The following ITGBL1 variants were observed in gnomAD, a reference collection of about 807,000 sequenced individuals.
The protein encoded by ITGBL1 is integrin subunit beta like 1.
Under a neutral mutation model 68.5 loss-of-function variants are expected in ITGBL1, and 51 were observed. The observed-to-expected ratio is 0.74, with a 90% CI of 0.59 to 0.94. The LOEUF (loss-of-function observed/expected upper bound fraction) is 0.94. Ranked by LOEUF, ITGBL1 falls within the 40% of genes least tolerant of loss-of-function variation. The pLI is 0.00. For missense variants in ITGBL1, 649 were observed against 647.4 expected (o/e 1.00, Z -0.03); for synonymous variants, 209 against 227.3 (o/e 0.92, Z 0.72).
chr13:101,604,887 T>TATATACACACACACACACAA, intron 7 of ITGBL1, among the ~76,000 whole-genome samples: 1 of 22,164 alleles, frequency 4.5e-5, no homozygotes, highest in African/African-American at 1.5e-4. Flanking sequence ...TATATATATA[T>TATATACACACACACACACAA]ACACACACAC....
intron 2 of ITGBL1, among the ~76,000 whole-genome samples, chr13:101,530,270 G>A (rs1329159634): frequency 1.3e-5 from 2 of 151,928 alleles, no homozygotes; most frequent in Admixed American, 6.6e-5. Flanking sequence ...GAGAGAGCGC[G>A]AGGGGAGAGA....
rs564580359 is a variant in ITGBL1 at position 101,591,290 on chromosome 13, T to A, written c.869-6863T>A. On this transcript the variant is annotated intron_variant, in intron 6 of 10. Transcript: ENST00000376180. ...ATAATTGTTAATAAGCATAAACCGT[T>A]ACAAAAATTCCCATACTGTAAAGTC... is the stretch of plus-strand genomic sequence containing the variant. Among the ~76,000 whole-genome samples, 3 of 152,328 alleles carry A rather than the reference T, an allele frequency of 2.0e-5. No homozygotes were observed. The East Asian group carries it at 5.8e-4, about 29-fold the overall frequency.
At chr13:101,601,431 T>C (rs563253574) in intron 7 of ITGBL1, among the ~76,000 whole-genome samples, 1 of 152,252 alleles carries the variant, frequency 6.6e-6, no homozygotes, top group African/African-American at 2.4e-5. Flanking sequence ...GTGTCTCTAT[T>C]TCCTTCAGTT....
At chr13:101,699,046 A>G (rs1414746198) in intron 8 of ITGBL1, among the ~76,000 whole-genome samples, 3 of 152,192 alleles carry the variant, frequency 2.0e-5, no homozygotes, top group Non-Finnish European at 4.4e-5. Flanking sequence ...TGAGAGTATG[A>G]ATTCAGTGAC....
chr13:101,598,717 A>C (rs1298005299), intron 7 of ITGBL1, among the ~76,000 whole-genome samples: 2 of 152,110 alleles, frequency 1.3e-5, no homozygotes, highest in Non-Finnish European at 2.9e-5. Context: ...TAGTTTGCTG[A>C]GAATGATGGT....
intron 2 of ITGBL1, among the ~76,000 whole-genome samples, chr13:101,554,635 A>G (rs556354327): frequency 6.6e-6 from 1 of 152,314 alleles, no homozygotes; most frequent in East Asian, 1.9e-4. Context: ...CAAGTGCCTT[A>G]TTCTGTTGAA....
intron 2 of ITGBL1, among the ~76,000 whole-genome samples, chr13:101,510,910 CAT>C (rs1244439688): frequency 6.6e-6 from 1 of 151,974 alleles, no homozygotes; most frequent in Admixed American, 6.6e-5. Context: ...TTGTTGGACA[CAT>C]AATTTGTGAA....
intron 2 of ITGBL1, among the ~76,000 whole-genome samples, chr13:101,498,220 T>G (rs2048886604): frequency 6.6e-6 from 1 of 152,184 alleles, no homozygotes; most frequent in African/African-American, 2.4e-5. Flanking sequence ...ACTTCAAACT[T>G]ACATTTCCTT....
At chr13:101,646,104 G>GT (rs1352542288) in intron 7 of ITGBL1, among the ~76,000 whole-genome samples, 1 of 152,188 alleles carries the variant, frequency 6.6e-6, no homozygotes, top group Non-Finnish European at 1.5e-5. Context: ...TGATTGATGT[G>GT]TTTCCATTGG....
At chr13:101,642,885 G>A (rs879502135) in intron 7 of ITGBL1, among the ~76,000 whole-genome samples, 42 of 151,520 alleles carry the variant, frequency 2.8e-4, no homozygotes, top group Middle Eastern at 6.9e-3. Context: ...GATATGCAGC[G>A]TTATTTCTGA....
intron 7 of ITGBL1, among the ~76,000 whole-genome samples, chr13:101,619,431 T>C (rs1448268936): frequency 6.6e-6 from 1 of 151,994 alleles, no homozygotes. Flanking sequence ...CTACTGCCTT[T>C]GAAGATGGAG....
intron 8 of ITGBL1, among the ~76,000 whole-genome samples, chr13:101,702,384 C>G (rs1019700610): frequency 6.6e-6 from 1 of 151,796 alleles, no homozygotes; most frequent in Non-Finnish European, 1.5e-5. Context: ...GATTGTATTT[C>G]TTTTCTTATG....
intron 2 of ITGBL1, among the ~76,000 whole-genome samples, chr13:101,459,776 G>A (rs1374668085): frequency 2.6e-5 from 4 of 151,800 alleles, no homozygotes; most frequent in Non-Finnish European, 4.4e-5. Context: ...ATAAATATAA[G>A]CCATTCTTAT....
intron 9 of ITGBL1, among the ~76,000 whole-genome samples, chr13:101,707,314 T>C (rs556142718): frequency 7.2e-5 from 11 of 152,240 alleles, no homozygotes; most frequent in Non-Finnish European, 1.3e-4. Context: ...CCCAAAGATA[T>C]GACTTTGGGA....
At chr13:101,541,632 C>T (rs373956792) in intron 2 of ITGBL1, among the ~76,000 whole-genome samples, 1 of 152,128 alleles carries the variant, frequency 6.6e-6, no homozygotes, top group Non-Finnish European at 1.5e-5. Flanking sequence ...AGGAATGGTA[C>T]CAGCTCCTCC....
At chr13:101,589,917 A>C (rs2050622597) in intron 6 of ITGBL1, among the ~76,000 whole-genome samples, 1 of 152,194 alleles carries the variant, frequency 6.6e-6, no homozygotes, top group Non-Finnish European at 1.5e-5. Flanking sequence ...TTTCCCCCTC[A>C]TGTTTGTAGA....
At chr13:101,479,706 G>T (rs2048589149) in intron 2 of ITGBL1, among the ~76,000 whole-genome samples, 1 of 151,960 alleles carries the variant, frequency 6.6e-6, no homozygotes, top group Non-Finnish European at 1.5e-5. Context: ...ATATGAAAAG[G>T]TGCTCAACAT....
chr13:101,585,540 C>G (rs2139295160), intron 6 of ITGBL1, among the ~76,000 whole-genome samples: 1 of 152,268 alleles, frequency 6.6e-6, no homozygotes. Context: ...ACACCATTCT[C>G]CTGCCTCAGC....
chr13:101,580,941 AG>A (rs1255713879), intron 5 of ITGBL1, among the ~76,000 whole-genome samples: 1 of 152,204 alleles, frequency 6.6e-6, no homozygotes, highest in African/African-American at 2.4e-5. Flanking sequence ...AGCTTGCCTG[AG>A]CGAGGCTCAC....
Sources: allele counts gnomAD v4.1 joint callset (sites outside exome capture counted in the v4.1 genomes callset), GRCh38; gene constraint gnomAD v4.1.1; transcripts MANE v1.5; gene names NCBI Gene and HGNC (gene_info 2026-07-23, HGNC 2026-07-21).